Variants in TPM4 observed in about 807,000 individuals in gnomAD.
TPM4 encodes the protein tropomyosin alpha-4 chain.
In TPM4, 17 loss-of-function variants were observed where a neutral mutation model predicts 35.8. That is an observed-to-expected ratio of 0.47 (90% CI 0.32 to 0.71). The LOEUF is 0.71. Ranked by LOEUF, TPM4 falls within the 30% of genes least tolerant of loss-of-function variation. TPM4 has a pLI of 0.03. For synonymous variants in TPM4, 120 were observed against 122.9 expected, an observed-to-expected ratio of 0.98 and a Z score of 0.15; for missense variants, 240 against 320.9, an observed-to-expected ratio of 0.75 and a Z score of 1.93.
intron 5 of TPM4, chr19:16,093,187 TTTG>T (rs1000398960): frequency 1.3e-4 from 25 of 197,530 alleles, no homozygotes; most frequent in Admixed American, 6.4e-4. Flanking sequence ...TTTTTTTGTT[TTTG>T]TTGTTGTTGT....
At chr19:16,099,313 A>C (rs556090332) in intron 7 of TPM4, among the ~76,000 whole-genome samples, 1 of 149,300 alleles carries the variant, frequency 6.7e-6, no homozygotes, top group African/African-American at 2.4e-5. Context: ...AACTCCTTAC[A>C]TCAAGGATCC....
chr19:16,073,959 A>AAAACAC (rs2090379055), upstream of TPM4, among the ~76,000 whole-genome samples: 1 of 120,074 alleles, frequency 8.3e-6, no homozygotes, highest in African/African-American at 3.3e-5. Context: ...AAAAAAAAAA[A>AAAACAC]ACGCAAAAAA....
chr19:16,076,461 C>T (rs1251068507), upstream of TPM4: 2 of 1,335,580 alleles, frequency 1.5e-6, no homozygotes, highest in East Asian at 3.2e-5. Flanking sequence ...GCGGCCCCCG[C>T]GCAGGCAAAG....
chr19:16,075,954 G>A (rs1454485792), upstream of TPM4: 20 of 1,485,228 alleles, frequency 1.3e-5, no homozygotes, highest in East Asian at 2.7e-4. Context: ...GAGAGACGGA[G>A]GACTCTTGTG....
rs2090344851 is a variant in TPM4, at chr19:16,070,356, G to A, written c.114+2618G>A. Among the ~76,000 whole-genome samples, 1 of 152,134 alleles carries A rather than the reference G, an allele frequency of 6.6e-6. No homozygotes were observed. The highest frequency in any genetic ancestry group is 6.5e-5 in the Admixed American group (1 of 15,280). Reference sequence around the variant, plus strand: ...GGAAGGAAGGGAGTCCCCTCCCACAGAGCCATGTTCCCCACAATGTTTATC... The same window carrying A: ...GGAAGGAAGGGAGTCCCCTCCCACAAAGCCATGTTCCCCACAATGTTTATC... On this transcript the variant is annotated intron_variant, in intron 2 of 2. Coordinates refer to the TPM4 transcript ENST00000589897. This position sits in a 1 kb window ranked among gnomAD's most constrained non-coding sequence, Gnocchi z 7.4.
At chr19:16,099,988 A>G (rs1410392277) in intron 7 of TPM4, 1 of 152,194 alleles carries the variant, frequency 6.6e-6, no homozygotes, top group Non-Finnish European at 1.5e-5. Flanking sequence ...GGGTTACAGG[A>G]TTTTAGATTT....
chr19:16,088,973 T>C, intron 4 of TPM4, 72 bp from the exon 5 acceptor site: 1 of 1,604,212 alleles, frequency 6.2e-7, no homozygotes, highest in Non-Finnish European at 8.5e-7. Flanking sequence ...GGAAAATTTA[T>C]TGTTGGGGCG....
chr19:16,099,857 G>A (rs1052021379), intron 7 of TPM4: 1 of 152,148 alleles, frequency 6.6e-6, no homozygotes, highest in Non-Finnish European at 1.5e-5. Context: ...TAACATGCCT[G>A]TAGAATGGCT....
chr19:16,087,518 A>T (rs1349238005), intron 3 of TPM4, among the ~76,000 whole-genome samples: 1 of 152,090 alleles, frequency 6.6e-6, no homozygotes, highest in African/African-American at 2.4e-5. Context: ...CAGAGGTTGC[A>T]GTGAGTCAAG....
At chr19:16,093,491 G>C in intron 5 of TPM4, 45 bp from the exon 6 acceptor site, 1 of 1,610,234 alleles carries the variant, frequency 6.2e-7, no homozygotes, top group Non-Finnish European at 8.5e-7. Context: ...ACCATGCCTG[G>C]CTGGGCCTCC....
rs2090346004 is a variant in TPM4, at chr19:16,070,499, A to AG, written c.114+2762dup. Among the ~76,000 whole-genome samples, 1 of 149,438 alleles carries AG rather than the reference A, an allele frequency of 6.7e-6. No individual in the cohort carries two copies. The highest frequency in any genetic ancestry group is 2.1e-4 in the South Asian group (1 of 4,800). On this transcript the variant is annotated intron_variant, in intron 2 of 2. Transcript: ENST00000589897. This position sits in a 1 kb window ranked among gnomAD's most constrained non-coding sequence, Gnocchi z 7.4. ...CCCCACCCAGGCCAGGAGCCAGGCC[A>AG]GCCCGGCAGCTAAAGGCGAAAGCTC...
chr19:16,081,745 G>A, intron 1 of TPM4, 168 bp from the exon 2 acceptor site: 1 of 862,124 alleles, frequency 1.2e-6, no homozygotes. Context: ...ACATTTTCCG[G>A]GAAGATCATA....
At chr19:16,089,667 AC>A (rs1169886866) in intron 5 of TPM4, among the ~76,000 whole-genome samples, 3 of 104,408 alleles carry the variant, frequency 2.9e-5, no homozygotes, top group Non-Finnish European at 3.9e-5. Context: ...TCCACCCCCC[AC>A]TTTTTTTTTT....
At chr19:16,083,934 A>G (rs1217464899) in intron 2 of TPM4, among the ~76,000 whole-genome samples, 1 of 151,726 alleles carries the variant, frequency 6.6e-6, no homozygotes. Flanking sequence ...ATGCCCAGCT[A>G]ATTTTTTTTT....
At chr19:16,095,609 C>T in intron 7 of TPM4, 1 of 1,008,938 alleles carries the variant, frequency 9.9e-7, no homozygotes, top group Non-Finnish European at 1.2e-6. Flanking sequence ...GTTAGCCTCT[C>T]TCACTCACAA....
intron 7 of TPM4, chr19:16,100,887 G>C (rs1259315642): frequency 6.3e-6 from 1 of 157,952 alleles, no homozygotes; most frequent in Non-Finnish European, 1.4e-5. Flanking sequence ...CTTTGGGGGG[G>C]TGCTGGGCAT....
intron 2 of TPM4, among the ~76,000 whole-genome samples, chr19:16,068,746 A>G (rs2090323051): frequency 6.6e-6 from 1 of 151,678 alleles, no homozygotes; most frequent in Admixed American, 6.6e-5. Flanking sequence ...TGTGTGTGAG[A>G]GCAGTTCTGT....
chr19:16,086,619 C>T (rs2090556700), intron 3 of TPM4, 79 bp downstream of exon 3: 1 of 1,221,282 alleles, frequency 8.2e-7, no homozygotes, highest in Admixed American at 2.0e-5. Flanking sequence ...ACACCGGGGC[C>T]AACGAAAGGA....
intron 2 of TPM4, among the ~76,000 whole-genome samples, chr19:16,069,641 T>C (rs368823327): frequency 3.3e-5 from 5 of 150,884 alleles, no homozygotes; most frequent in African/African-American, 1.2e-4. Context: ...TGAGTGTGTG[T>C]TTCTGTTGGT....
Sources: gnomAD v4.1 joint callset for allele counts (sites outside exome capture counted in the v4.1 genomes callset) on GRCh38, gnomAD v4.1.1 for gene constraint, Gnocchi (gnomAD v3.1) non-coding constraint, MANE v1.5 for transcripts, NCBI Gene and HGNC (gene_info 2026-07-23, HGNC 2026-07-21) for gene names.